The following EPM2A variants were observed in gnomAD, a reference collection of about 807,000 sequenced individuals.
EPM2A encodes EPM2A glucan phosphatase, laforin.
In EPM2A, 21 loss-of-function variants were observed where a neutral mutation model predicts 26.5. The ratio of observed to expected loss-of-function variants is 0.79; its 90% CI spans 0.56 to 1.14. The LOEUF (loss-of-function observed/expected upper bound fraction) is 1.14, where lower values mean the gene tolerates loss of function less well. Ranked by LOEUF, EPM2A falls within the 50% of genes most tolerant of loss-of-function variation. The pLI is 0.00. For synonymous variants in EPM2A, 217 were observed against 177.6 expected, an observed-to-expected ratio of 1.22 and a Z score of -1.76; for missense variants, 458 against 440.8, an observed-to-expected ratio of 1.04 and a Z score of -0.35.
intron 2 of EPM2A, among the ~76,000 whole-genome samples, chr6:145,607,582 CA>C (rs1198142711): frequency 6.6e-6 from 1 of 152,018 alleles, no homozygotes; most frequent in African/African-American, 2.4e-5. Flanking sequence ...CAGGTGAAGT[CA>C]AGGAGTCTGG....
intron 1 of EPM2A, among the ~76,000 whole-genome samples, chr6:145,704,132 A>G (rs1782084230): frequency 6.6e-6 from 1 of 152,206 alleles, no homozygotes; most frequent in Non-Finnish European, 1.5e-5. Flanking sequence ...AATGAAGCAG[A>G]AGTTCTTAAT....
chr6:145,510,802 A>C (rs1009114741), intron 2 of EPM2A, among the ~76,000 whole-genome samples: 5 of 152,194 alleles, frequency 3.3e-5, no homozygotes, highest in African/African-American at 7.2e-5. Flanking sequence ...ATGATCAACA[A>C]AATGAAAAGT....
intron 2 of EPM2A, among the ~76,000 whole-genome samples, chr6:145,510,137 T>C (rs1160919802): frequency 6.0e-5 from 9 of 151,068 alleles, no homozygotes; most frequent in African/African-American, 2.2e-4. Context: ...CACACAATAA[T>C]AGTGGTGGAA....
downstream of EPM2A, among the ~76,000 whole-genome samples, chr6:145,625,051 A>G (rs1775719794): frequency 6.6e-6 from 1 of 152,176 alleles, no homozygotes; most frequent in South Asian, 2.1e-4. Context: ...ACAAGCAGCT[A>G]ATGGCATAAT....
Position 145,542,654 on chromosome 6 carries a change from C to T in EPM2A, c.341-40079G>A, listed in dbSNP as rs571046573. On this transcript the variant is annotated intron_variant, in intron 2 of 3. Coordinates refer to the EPM2A transcript ENST00000450221. ...TTGAAGCCAGGGACCCTTGTTAGTC[C>T]CCTCTGGACAGTCAAATGTTGTTTT... is the stretch of plus-strand genomic sequence containing the variant. Among the ~76,000 whole-genome samples the T allele has an allele frequency of 5.3e-5, 8 of 152,228 alleles. No homozygotes were observed. The East Asian group carries it at 1.2e-3, about 22-fold the overall frequency.
chr6:145,702,086 A>G (rs1781944567), intron 1 of EPM2A, among the ~76,000 whole-genome samples: 1 of 151,980 alleles, frequency 6.6e-6, no homozygotes, highest in African/African-American at 2.4e-5. Context: ...AGCATCTCTT[A>G]TTGCCTTCTC....
At chr6:145,728,780 A>C (rs774994443) in intron 1 of EPM2A, among the ~76,000 whole-genome samples, 4 of 152,234 alleles carry the variant, frequency 2.6e-5, no homozygotes, top group Non-Finnish European at 5.9e-5. Context: ...CCAGCTGTAG[A>C]AACTTGCATA....
At chr6:145,559,006 T>C (rs1780769760) in intron 2 of EPM2A, among the ~76,000 whole-genome samples, 1 of 152,114 alleles carries the variant, frequency 6.6e-6, no homozygotes, top group Non-Finnish European at 1.5e-5. Context: ...ATGGTCATTA[T>C]TTCTCCAGTT....
chr6:145,406,005 C>T (rs911874725), intron 4 of EPM2A, among the ~76,000 whole-genome samples: 2 of 150,766 alleles, frequency 1.3e-5, no homozygotes, highest in Non-Finnish European at 3.0e-5. Context: ...CACACACACA[C>T]ACACACACAA....
chr6:145,549,279 C>T (rs1295307029), intron 2 of EPM2A, among the ~76,000 whole-genome samples: 1 of 152,092 alleles, frequency 6.6e-6, no homozygotes, highest in Admixed American at 6.6e-5. Flanking sequence ...ACTCCAAATG[C>T]CATCCTTATT....
downstream of EPM2A, among the ~76,000 whole-genome samples, chr6:145,621,216 A>G (rs115030546): frequency 5.1e-3 from 772 of 152,258 alleles, 4 homozygotes; most frequent in African/African-American, 0.018. Flanking sequence ...TGCCTGGCTT[A>G]TTTTACTTAG....
chr6:145,594,381 A>C (rs1239107161), intron 2 of EPM2A, among the ~76,000 whole-genome samples: 1 of 151,950 alleles, frequency 6.6e-6, no homozygotes, highest in Middle Eastern at 3.2e-3. Context: ...GTATTACAGT[A>C]AGAAATGATA....
At chr6:145,640,612 T>A (rs1345274019) in intron 2 of EPM2A, 3 of 152,166 alleles carry the variant, frequency 2.0e-5, no homozygotes, top group Admixed American at 6.5e-5. Context: ...GTTGGATAAT[T>A]GTGTTGCATT....
chr6:145,484,892 A>C (rs910670158), intron 4 of EPM2A, among the ~76,000 whole-genome samples: 3 of 151,134 alleles, frequency 2.0e-5, no homozygotes, highest in African/African-American at 7.3e-5. Flanking sequence ...CATATAATTA[A>C]TTACTTAAAT....
At chr6:145,648,701 T>C (rs1274540565) in intron 2 of EPM2A, among the ~76,000 whole-genome samples, 1 of 152,206 alleles carries the variant, frequency 6.6e-6, no homozygotes, top group Non-Finnish European at 1.5e-5. Flanking sequence ...TCATTTTGTC[T>C]AGGCACTCCC....
chr6:145,534,579 T>C lies in EPM2A; in HGVS notation c.341-32004A>G, dbSNP rs17797768. Among the ~76,000 whole-genome samples, 721 of 152,270 alleles carry C rather than the reference T, an allele frequency of 4.7e-3. 24 individuals are homozygous for C. In the East Asian group the frequency reaches 0.084, roughly 18 times the overall value. ...CCACATGTATCTATGCAATGAAAGG[T>C]TCAGTCAATGCAAGCACGGGGGCCA... On this transcript the variant is annotated intron_variant, in intron 2 of 3. Transcript: ENST00000450221.
At chr6:145,536,690 G>A (rs1305348319) in intron 2 of EPM2A, among the ~76,000 whole-genome samples, 3 of 152,144 alleles carry the variant, frequency 2.0e-5, no homozygotes, top group Non-Finnish European at 2.9e-5. Context: ...GGTGGTCACT[G>A]AGCTCTCCCC....
At chr6:145,510,753 A>T (rs1780043850) in intron 2 of EPM2A, among the ~76,000 whole-genome samples, 1 of 152,150 alleles carries the variant, frequency 6.6e-6, no homozygotes, top group African/African-American at 2.4e-5. Context: ...AACAGAAACA[A>T]CTAAAATTAG....
downstream of EPM2A, among the ~76,000 whole-genome samples, chr6:145,498,260 T>A (rs1294526855): frequency 6.6e-6 from 1 of 152,180 alleles, no homozygotes; most frequent in African/African-American, 2.4e-5. Context: ...TGGCTGGAAT[T>A]CCAAGCCAGT....
Sources: gnomAD v4.1 joint callset for allele counts (sites outside exome capture counted in the v4.1 genomes callset) on GRCh38, gnomAD v4.1.1 for gene constraint, MANE v1.5 for transcripts, NCBI Gene and HGNC (gene_info 2026-07-23, HGNC 2026-07-21) for gene names.